CLEC7A: variants seen among roughly 807,000 people sequenced by gnomAD.
CLEC7A encodes C-type lectin domain family 7 member A.
A neutral mutation model predicts 26.9 loss-of-function variants in CLEC7A; 25 were observed. The observed-to-expected ratio is 0.93, with a 90% CI of 0.68 to 1.30. CLEC7A has a LOEUF of 1.30. Ranked by LOEUF, CLEC7A falls within the 50% of genes most tolerant of loss-of-function variation. The pLI is 0.00. For missense variants in CLEC7A, 275 were observed against 286.7 expected (o/e 0.96, Z 0.29); for synonymous variants, 100 against 99.5 (o/e 1.01, Z -0.03).
At chr12:10,123,617 C>T (rs1429798260) in intron 4 of CLEC7A, among the ~76,000 whole-genome samples, 3 of 144,314 alleles carry the variant, frequency 2.1e-5, no homozygotes, top group African/African-American at 5.6e-5. Flanking sequence ...AAAAATTAGC[C>T]GGGCGCGGTG....
intron 5 of CLEC7A, among the ~76,000 whole-genome samples, 195 bp from the exon 6 acceptor site, chr12:10,118,785 A>G (rs1947987954): frequency 6.6e-6 from 1 of 152,154 alleles, no homozygotes; most frequent in Non-Finnish European, 1.5e-5. Context: ...TAAGGCAGAA[A>G]AACGACTTAA....
chr12:10,118,412 CT>C lies in CLEC7A; in HGVS notation c.*45del. 1 of 1,552,396 alleles carries C rather than the reference CT, an allele frequency of 6.4e-7. No individual in the cohort carries two copies. Among genetic ancestry groups the C allele is most frequent in the Non-Finnish European group, 8.8e-7 (1 of 1,130,168 alleles). On this transcript the variant is annotated 3_prime_UTR_variant, in exon 6 of 6. Transcript: ENST00000304084. ...ACTCTTTTCTGTTCTGTTTTCTGTCCTCCTTACTACCTCACATATTTCTCTC... is the reference window on the plus strand; with the variant it reads ...ACTCTTTTCTGTTCTGTTTTCTGTCCCCTTACTACCTCACATATTTCTCTC...
chr12:10,123,735 T>A (rs1388143968), intron 4 of CLEC7A, among the ~76,000 whole-genome samples: 1 of 128,574 alleles, frequency 7.8e-6, no homozygotes, highest in African/African-American at 3.8e-5. Context: ...CAGTCCGCAG[T>A]CCGGCCTGGG....
chr12:10,118,488 A>G lies in CLEC7A; in HGVS notation c.714T>C (p.Tyr238=), dbSNP rs16910526. Reference sequence around the variant, plus strand: ...TTGAAAACTTCTTCTCACAAATACTATATGAGGGCACACTACACAGTTGGT... The same window carrying G: ...TTGAAAACTTCTTCTCACAAATACTGTATGAGGGCACACTACACAGTTGGT... The part of the protein sequence containing the change: ...IYDQLCSVPS[Y]SICEKKFSM The change falls in exon 6 of 6, where the codon TAT becomes TAC. Residue 238 remains tyrosine (Y), a synonymous_variant. Coordinates refer to ENST00000304084, the MANE Select transcript of CLEC7A (RefSeq NM_197947.3). 9.3e-6 allele frequency: 15 copies of G among 1,610,748 alleles called. No homozygotes were observed. Among genetic ancestry groups the G allele is most frequent in the Middle Eastern group, 1.6e-4 (1 of 6,078 alleles).
chr12:10,127,632 C>A, intron 2 of CLEC7A, 115 bp downstream of exon 2: 1 of 947,952 alleles, frequency 1.1e-6, no homozygotes, highest in East Asian at 2.6e-5. Context: ...CAGATAAAAC[C>A]AGATTATATA....
chr12:10,126,795 T>C, intron 2 of CLEC7A, 87 bp from the exon 3 acceptor site: 1 of 1,056,396 alleles, frequency 9.5e-7, no homozygotes, highest in Non-Finnish European at 1.4e-6. Context: ...CAAATGTTAT[T>C]GGAATAAAAG....
rs1471868378 is a variant in CLEC7A at position 10,123,244 on chromosome 12, C to A, written c.611+1G>T. On this transcript the variant is annotated splice_donor_variant, in intron 5 of 5. Transcript: ENST00000304084. LOFTEE classifies it high-confidence loss of function. ...GAAGCATTGTCTCTCCAAACACTTA[C>A]AAGTTAGAAGAGAATGTTGATCCAT... 1.3e-6 allele frequency: 2 copies of A among 1,565,566 alleles called. No homozygotes were observed. Among genetic ancestry groups the A allele is most frequent in the African/African-American group, 2.7e-5 (2 of 73,954 alleles).
chr12:10,121,445 A>G (rs1361672616), intron 5 of CLEC7A, among the ~76,000 whole-genome samples: 1 of 152,138 alleles, frequency 6.6e-6, no homozygotes, highest in Non-Finnish European at 1.5e-5. Context: ...ATTTCAACAC[A>G]ATTCTTTTCA....
At chr12:10,125,235 T>A (rs771480989) in intron 4 of CLEC7A, 62 bp downstream of exon 4, 16 of 1,158,138 alleles carry the variant, frequency 1.4e-5, no homozygotes, top group Admixed American at 2.0e-5. Context: ...TTACCTGGAA[T>A]CTCCCTCTAT....
intron 1 of CLEC7A, among the ~76,000 whole-genome samples, chr12:10,128,736 A>ATG (rs1414240686): frequency 6.6e-6 from 1 of 152,180 alleles, no homozygotes; most frequent in East Asian, 1.9e-4. Flanking sequence ...CCGTTTGCCT[A>ATG]CACATATGCA....
intron 3 of CLEC7A, chr12:10,126,230 G>T (rs1312098604): frequency 2.0e-6 from 2 of 981,230 alleles, no homozygotes; most frequent in Non-Finnish European, 2.4e-6. Context: ...CATTTAAAAT[G>T]TCAATTCTGT....
intron 3 of CLEC7A, chr12:10,126,159 C>A: frequency 1.0e-6 from 1 of 983,796 alleles, no homozygotes; most frequent in Non-Finnish European, 1.2e-6. Flanking sequence ...ATTTTCCCTT[C>A]TTTCCTTTCT....
At chr12:10,127,516 C>T in intron 2 of CLEC7A, 1 of 1,398,730 alleles carries the variant, frequency 7.1e-7, no homozygotes, top group Non-Finnish European at 1.0e-6. Context: ...AATTTCTAAT[C>T]ATGGTCCCAC....
rs984246405 is a variant in CLEC7A at position 10,117,268 on chromosome 12, G to C, written c.*1190C>G. The C allele has an allele frequency of 2.6e-5, 4 of 152,256 alleles. No individual in the cohort carries two copies. The South Asian group carries it at 8.3e-4, about 32-fold the overall frequency. 9.4% of individuals were successfully genotyped at this position (152,256 alleles called of 1,614,324 possible). On this transcript the variant is annotated 3_prime_UTR_variant, in exon 6 of 6. Transcript: ENST00000304084. ...TTCTAGGCTGGGTGCAGTGGCTCAC[G>C]CCTGTAATCCCAGCACTTGGGAGGC...
chr12:10,118,321 T>C lies in CLEC7A; in HGVS notation c.*137A>G. Reference sequence around the variant, plus strand: ...AATCACAGCCTCTCCCTTCAATTTCTTGGTTAAGATTACAGTTGGCCAAGC... The same window carrying C: ...AATCACAGCCTCTCCCTTCAATTTCCTGGTTAAGATTACAGTTGGCCAAGC... On this transcript the variant is annotated 3_prime_UTR_variant, in exon 6 of 6. Coordinates refer to ENST00000304084, the MANE Select transcript of CLEC7A (RefSeq NM_197947.3). 2.6e-6 allele frequency: 2 copies of C among 755,316 alleles called. No individual in the cohort carries two copies. The highest frequency in any genetic ancestry group is 4.2e-6 in the Non-Finnish European group (2 of 471,954). The allele number at this position is 755,316 out of a possible 1,614,324, so 46.8% of individuals were successfully genotyped here. A position where few individuals can be genotyped will look rare whatever the true frequency, so the allele number is the denominator to read the frequency against.
intron 5 of CLEC7A, among the ~76,000 whole-genome samples, chr12:10,120,757 C>CT (rs71049047): frequency 1.5e-5 from 2 of 137,846 alleles, no homozygotes; most frequent in African/African-American, 2.6e-5. Flanking sequence ...TTTTCTTTTT[C>CT]TTTTTTTTTT....
rs1948380469 is a variant in CLEC7A at position 10,128,419 on chromosome 12, TA to T, written c.104-575del. 3.9e-5 allele frequency among the ~76,000 whole-genome samples: 6 copies of T among 152,320 alleles called. No homozygotes were observed. In the South Asian group the frequency reaches 1.2e-3, roughly 32 times the overall value. On this transcript the variant is annotated intron_variant, in intron 1 of 5. Coordinates refer to ENST00000304084, the MANE Select transcript of CLEC7A (RefSeq NM_197947.3). ...CATTGGCTTGATAACTGTATGCTCC[TA>T]ATTTCAGTTCCACATTGACATCTAC...
intron 1 of CLEC7A, among the ~76,000 whole-genome samples, chr12:10,128,706 A>G (rs1948390651): frequency 6.6e-6 from 1 of 152,180 alleles, no homozygotes; most frequent in African/African-American, 2.4e-5. Flanking sequence ...AGCACATGAT[A>G]GGTGTGTTGT....
chr12:10,127,516 C>A (rs1455339544), intron 2 of CLEC7A: 2 of 1,398,730 alleles, frequency 1.4e-6, no homozygotes, highest in African/African-American at 2.8e-5. Context: ...AATTTCTAAT[C>A]ATGGTCCCAC....
Sources: allele counts gnomAD v4.1 joint callset (sites outside exome capture counted in the v4.1 genomes callset), GRCh38; gene constraint gnomAD v4.1.1; transcripts MANE v1.5; gene names NCBI Gene and HGNC (gene_info 2026-07-23, HGNC 2026-07-21).